Variants in DPP9 observed in about 807,000 individuals in gnomAD.
DPP9 encodes the protein dipeptidyl peptidase IV-related protein-2.
Under a neutral mutation model 110.7 loss-of-function variants are expected in DPP9, and 50 were observed. The ratio of observed to expected loss-of-function variants is 0.45; its 90% confidence interval spans 0.36 to 0.57. The LOEUF (loss-of-function observed/expected upper bound fraction) is 0.57. DPP9 is among the 20% of genes least tolerant of loss of function. DPP9 has a pLI of 0.00. For missense variants in DPP9, 1,022 were observed against 1,217.9 expected (o/e 0.84, Z 2.39); for synonymous variants, 561 against 514.4 (o/e 1.09, Z -1.23).
Position 4,702,140 on chromosome 19 carries a change from T to A in DPP9, c.899A>T (p.Lys300Met). ...TASWEGSEGL[K>M]TLRILYEEVD... is the part of the protein sequence containing the mutation. ...TTCCTCATACAGGATTCGCAGCGTC[T>A]TGAGGCCCTCTGAACCTTGGGTGGG... The change falls in exon 9 of 22, where the codon AAG becomes ATG. Residue 300 changes from lysine to methionine, a missense_variant. By Grantham distance (95) the Lys-to-Met change is moderately conservative (BLOSUM62 -1). Transcript: ENST00000262960. The A allele has an allele frequency of 6.2e-7, 1 of 1,613,038 alleles. No individual in the cohort carries two copies. Among genetic ancestry groups the A allele is most frequent in the East Asian group, 2.2e-5 (1 of 44,880 alleles).
At chr19:4,716,026 C>G (rs975866400) in intron 3 of DPP9, 2 of 152,268 alleles carry the variant, frequency 1.3e-5, no homozygotes, top group Non-Finnish European at 2.9e-5. Flanking sequence ...TCTCGCTTCC[C>G]TTTGTGGGCT....
chr19:4,688,963 A>T, intron 15 of DPP9, 71 bp from the exon 16 acceptor site: 1 of 1,470,406 alleles, frequency 6.8e-7, no homozygotes, highest in Non-Finnish European at 8.9e-7. Context: ...CCGACCGCAG[A>T]TCCAGGGTAG....
In DPP9 at chr19:4,685,608, G is replaced by C; in HGVS notation, c.2031+18C>G. ...GTGGATGGTGGGGTGGGGGCCTGGG[G>C]AGCAGGTGTGCACTCACCTGGGGGC... On this transcript the variant is annotated intron_variant, in intron 17 of 21. Transcript: ENST00000262960. The surrounding 1 kb of genome is among the most constrained non-coding windows in gnomAD (Gnocchi z 5.8). 1 of 1,591,860 alleles carries C rather than the reference G, an allele frequency of 6.3e-7. No individual in the cohort carries two copies. The highest frequency in any genetic ancestry group is 8.5e-7 in the Non-Finnish European group (1 of 1,169,750).
chr19:4,693,214 C>T lies in DPP9; in HGVS notation c.1516+1447G>A, dbSNP rs1568311881. 1.3e-5 allele frequency among the ~76,000 whole-genome samples: 2 copies of T among 152,160 alleles called. No homozygotes were observed. On this transcript the variant is annotated intron_variant, in intron 13 of 21. Transcript: ENST00000262960. This position sits in a 1 kb window ranked among gnomAD's most constrained non-coding sequence, Gnocchi z 5.0. Reference sequence around the variant, plus strand: ...CCCCGCCCCAGAGAACCACCCGGCCCTGGCGTCCATGGTGTCCCTGCTCTA... The same window carrying T: ...CCCCGCCCCAGAGAACCACCCGGCCTTGGCGTCCATGGTGTCCCTGCTCTA...
At chr19:4,699,312 G>A (rs183537254) in intron 10 of DPP9, among the ~76,000 whole-genome samples, 3 of 152,174 alleles carry the variant, frequency 2.0e-5, no homozygotes, top group Admixed American at 6.5e-5. Flanking sequence ...TTCTCTGGAC[G>A]CCTGGTGTCC....
In DPP9 at chr19:4,704,247, G is replaced by A. The variant is rs774328255; in HGVS notation, c.484C>T (p.Arg162Cys). 6.8e-6 allele frequency: 11 copies of A among 1,613,820 alleles called. No individual in the cohort carries two copies. The highest frequency in any genetic ancestry group is 1.3e-5 in the African/African-American group (1 of 74,956). ...REEELLRERK[R>C]LGVFGITSYD... Reference sequence around the variant, plus strand: ...GAGGTGATGCCGAAGACCCCCAGGCGTTTCCGCTCCCTCAGCAGCTCCTCC... The same window carrying A: ...GAGGTGATGCCGAAGACCCCCAGGCATTTCCGCTCCCTCAGCAGCTCCTCC... The change falls in exon 6 of 22, where the codon CGC (arginine) becomes TGC (cysteine). Residue 162 changes from arginine to cysteine, a missense_variant. This residue lies in a region of DPP9 where 810 missense variants were observed against 920.6 expected (regional missense o/e 0.88). Coordinates refer to ENST00000262960, the MANE Select transcript of DPP9 (RefSeq NM_139159.5). The surrounding 1 kb of genome is among the most constrained non-coding windows in gnomAD (Gnocchi z 6.0).
rs555374831 is a variant in DPP9, at chr19:4,693,705, G to A, written c.1516+956C>T. 1.3e-5 allele frequency among the ~76,000 whole-genome samples: 2 copies of A among 152,180 alleles called. No individual in the cohort carries two copies. Among genetic ancestry groups the A allele is most frequent in the South Asian group, 4.2e-4 (2 of 4,814 alleles). ...GCCTGTGTGCAAGCTGCAACCAGAG[G>A]AGTCATCTGAAACTGAGGTGAGGGT... On this transcript the variant is annotated intron_variant, in intron 13 of 21. Transcript: ENST00000262960. This position sits in a 1 kb window ranked among gnomAD's most constrained non-coding sequence, Gnocchi z 5.0.
intron 4 of DPP9, among the ~76,000 whole-genome samples, chr19:4,713,662 A>G (rs1361237840): frequency 6.6e-6 from 1 of 151,640 alleles, no homozygotes; most frequent in East Asian, 1.9e-4. Context: ...GTTACTCCCG[A>G]CTCCCTCTGG....
intron 4 of DPP9, among the ~76,000 whole-genome samples, chr19:4,712,041 C>A (rs1344545920): frequency 1.3e-5 from 2 of 152,144 alleles, no homozygotes; most frequent in Admixed American, 1.3e-4. Flanking sequence ...ATGGCAGCCA[C>A]AGAAAACTCC....
rs1416820642 is a variant in DPP9 at position 4,693,254 on chromosome 19, G to A, written c.1516+1407C>T. Among the ~76,000 whole-genome samples the A allele has an allele frequency of 6.6e-6, 1 of 152,080 alleles. No homozygotes were observed. Among genetic ancestry groups the A allele is most frequent in the African/African-American group, 2.4e-5 (1 of 41,452 alleles). On this transcript the variant is annotated intron_variant, in intron 13 of 21. Transcript: ENST00000262960. The surrounding 1 kb of genome is among the most constrained non-coding windows in gnomAD (Gnocchi z 5.0). ...TCCCTGCTCTAACTTTGAAGAGCCT[G>A]GGCCGGGCTCCCGGACCACCCCACC...
chr19:4,702,834 A>AGG (rs2092354716), intron 7 of DPP9, 118 bp from the exon 8 acceptor site: 1 of 22,744 alleles, frequency 4.4e-5, no homozygotes, highest in African/African-American at 6.7e-4. Flanking sequence ...AGGAAAGGGA[A>AGG]GGAGAGGGGG....
chr19:4,692,214 T>G, intron 13 of DPP9, among the ~76,000 whole-genome samples: 1 of 152,024 alleles, frequency 6.6e-6, no homozygotes, highest in East Asian at 1.9e-4. Context: ...TGACTTCATG[T>G]TTGAATTTTC....
chr19:4,721,029 C>G (rs1020751164), intron 2 of DPP9, among the ~76,000 whole-genome samples: 1 of 152,160 alleles, frequency 6.6e-6, no homozygotes, highest in Non-Finnish European at 1.5e-5. Context: ...TCCATGGAAT[C>G]CCCTAACCCA....
chr19:4,719,799 C>A, intron 3 of DPP9, 52 bp downstream of exon 3: 2 of 1,548,112 alleles, frequency 1.3e-6, no homozygotes, highest in Non-Finnish European at 1.7e-6. Flanking sequence ...TTGGGGAATT[C>A]CAGAAGCTGG....
intron 18 of DPP9, 28 bp from the exon 19 acceptor site, chr19:4,683,657 G>A (rs755787213): frequency 1.9e-6 from 3 of 1,613,098 alleles, no homozygotes; most frequent in African/African-American, 2.7e-5. Context: ...GCACCTCTCA[G>A]TGGCCTCCTC....
intron 1 of DPP9, 120 bp from the exon 2 acceptor site, chr19:4,722,671 G>A: frequency 1.5e-6 from 1 of 667,884 alleles, no homozygotes; most frequent in Non-Finnish European, 2.7e-6. Context: ...CTAGATTCTA[G>A]CTCTGCCTTG....
chr19:4,704,356 C>T lies in DPP9; in HGVS notation c.427-52G>A. On this transcript the variant is annotated intron_variant, in intron 5 of 21. Transcript: ENST00000262960. This position sits in a 1 kb window ranked among gnomAD's most constrained non-coding sequence, Gnocchi z 6.0. The stretch of plus-strand genomic sequence containing the variant: ...AGCGTCAGTGGGCAAAGAGGATCTC[C>T]CGCTGGCCAGGGCAGAGATCCTCGG... The T allele has an allele frequency of 6.4e-7, 1 of 1,574,700 alleles. No individual in the cohort carries two copies. The highest frequency in any genetic ancestry group is 8.6e-7 in the Non-Finnish European group (1 of 1,158,290).
In DPP9 at chr19:4,700,332, G is replaced by C; in HGVS notation, c.1013-55C>G. The C allele has an allele frequency of 6.8e-7, 1 of 1,480,118 alleles. No homozygotes were observed. The highest frequency in any genetic ancestry group is 2.4e-5 in the East Asian group (1 of 41,716). The allele number at this position is 1,480,118 out of a possible 1,614,324, so 91.7% of individuals were successfully genotyped here. On this transcript the variant is annotated intron_variant, in intron 9 of 21. Coordinates refer to ENST00000262960, the MANE Select transcript of DPP9 (RefSeq NM_139159.5). This position sits in a 1 kb window ranked among gnomAD's most constrained non-coding sequence, Gnocchi z 4.3. ...GGCAGGCATCACCCGTGTGTGCCGAGAGCCGGCACGGGGGGCCTGGGCTGT... is the reference window on the plus strand; with the variant it reads ...GGCAGGCATCACCCGTGTGTGCCGACAGCCGGCACGGGGGGCCTGGGCTGT...
chr19:4,722,863 T>G, intron 1 of DPP9: 1 of 317,764 alleles, frequency 3.1e-6, no homozygotes, highest in Non-Finnish European at 5.9e-6. Flanking sequence ...GGCAAGTGAC[T>G]TCCTCCTGGG....
Sources: allele counts gnomAD v4.1 joint callset (sites outside exome capture counted in the v4.1 genomes callset), GRCh38; gene constraint gnomAD v4.1.1; regional missense constraint gnomAD v4.1.1; non-coding constraint Gnocchi (gnomAD v3.1); transcripts MANE v1.5; gene names NCBI Gene and HGNC (gene_info 2026-07-23, HGNC 2026-07-21).